Variants in CNTN5 observed in about 807,000 individuals in gnomAD.
CNTN5 encodes the protein contactin 5, also known as contactin-5.
In CNTN5, 77 loss-of-function variants were observed where a neutral mutation model predicts 129.1. That is an observed-to-expected ratio of 0.60 (90% CI 0.50 to 0.72). The LOEUF is 0.72. Among genes scored for constraint, CNTN5 ranks in the 30% least tolerant of loss-of-function variants. The pLI is 0.00. For synonymous variants in CNTN5, 509 were observed against 465.6 expected (o/e 1.09, Z -1.20); for missense variants, 1,478 against 1,328.8 (o/e 1.11, Z -1.75).
At chr11:99,978,543 T>C (rs1938140782) in intron 8 of CNTN5, among the ~76,000 whole-genome samples, 1 of 152,304 alleles carries the variant, frequency 6.6e-6, no homozygotes, top group East Asian at 1.9e-4. Flanking sequence ...TTATCATACC[T>C]TTTTTATGTT....
chr11:99,469,688 T>C (rs1945096524), intron 2 of CNTN5, among the ~76,000 whole-genome samples: 1 of 152,136 alleles, frequency 6.6e-6, no homozygotes, highest in African/African-American at 2.4e-5. Flanking sequence ...TGCTTTTCTT[T>C]GTAGTGCTAG....
intron 1 of CNTN5, among the ~76,000 whole-genome samples, chr11:99,169,760 G>A (rs529022973): frequency 6.6e-6 from 1 of 152,232 alleles, no homozygotes; most frequent in East Asian, 1.9e-4. Context: ...ACTTTAGTCG[G>A]TGAAAAACAT....
chr11:99,351,372 G>A (rs1938287504), intron 2 of CNTN5, among the ~76,000 whole-genome samples: 1 of 152,146 alleles, frequency 6.6e-6, no homozygotes, highest in African/African-American at 2.4e-5. Context: ...AACTTTCCCT[G>A]CCAAGCTTGT....
chr11:99,239,733 A>C (rs1473561688), intron 1 of CNTN5, among the ~76,000 whole-genome samples: 2 of 152,134 alleles, frequency 1.3e-5, no homozygotes, highest in African/African-American at 4.8e-5. Context: ...CAGCAGATCG[A>C]GACCATCCTG....
At chr11:99,782,114 G>A (rs1945332932) in intron 3 of CNTN5, among the ~76,000 whole-genome samples, 2 of 151,234 alleles carry the variant, frequency 1.3e-5, no homozygotes, top group Non-Finnish European at 1.5e-5. Context: ...AAGCTGATAA[G>A]CAACTTCAGC....
chr11:99,717,232 A>G (rs1457555571), intron 3 of CNTN5, among the ~76,000 whole-genome samples: 2 of 152,036 alleles, frequency 1.3e-5, no homozygotes, highest in Non-Finnish European at 2.9e-5. Context: ...TGTTGATTTG[A>G]ACTTTCAAGA....
chr11:99,697,804 T>C (rs1046254672), intron 3 of CNTN5, among the ~76,000 whole-genome samples: 10 of 151,796 alleles, frequency 6.6e-5, no homozygotes, highest in African/African-American at 2.2e-4. Context: ...TAAATTTTTC[T>C]GAAATCTAAA....
At chr11:99,784,953 T>C (rs542463997) in intron 3 of CNTN5, among the ~76,000 whole-genome samples, 1 of 151,816 alleles carries the variant, frequency 6.6e-6, no homozygotes, top group South Asian at 2.1e-4. Flanking sequence ...GTGCCTACCA[T>C]CACACCTGGC....
At chr11:100,024,811 G>T (rs1030175986) in intron 9 of CNTN5, among the ~76,000 whole-genome samples, 3 of 152,176 alleles carry the variant, frequency 2.0e-5, no homozygotes, top group African/African-American at 7.2e-5. Context: ...ATGTTCAAGA[G>T]GTGACTTGGG....
At chr11:99,253,370 C>A (rs1411828231) in intron 1 of CNTN5, among the ~76,000 whole-genome samples, 1 of 152,036 alleles carries the variant, frequency 6.6e-6, no homozygotes, top group African/African-American at 2.4e-5. Flanking sequence ...TCTTTATTAG[C>A]AGCATGGGAA....
chr11:100,162,292 C>G (rs1025947444), intron 13 of CNTN5, among the ~76,000 whole-genome samples: 14 of 151,870 alleles, frequency 9.2e-5, no homozygotes, highest in African/African-American at 3.4e-4. Flanking sequence ...CATGCCCAAT[C>G]AATGATAATG....
At chr11:99,677,537 C>A (rs945681116) in intron 3 of CNTN5, among the ~76,000 whole-genome samples, 1 of 152,164 alleles carries the variant, frequency 6.6e-6, no homozygotes, top group Non-Finnish European at 1.5e-5. Context: ...CAGTCTCATG[C>A]TGATCTAGTT....
intron 3 of CNTN5, among the ~76,000 whole-genome samples, chr11:99,733,321 C>CAAA (rs35576351): frequency 4.2e-5 from 4 of 96,190 alleles, no homozygotes; most frequent in African/African-American, 7.1e-5. Context: ...GATTCTGTCT[C>CAAA]AAAAAAAAAA....
intron 3 of CNTN5, among the ~76,000 whole-genome samples, chr11:99,765,282 CT>C (rs1158591059): frequency 6.6e-6 from 1 of 151,744 alleles, no homozygotes; most frequent in African/African-American, 2.4e-5. Flanking sequence ...CACTATGTTA[CT>C]TACTCTAAAG....
chr11:100,330,060 C>T (rs1951873115), intron 21 of CNTN5, among the ~76,000 whole-genome samples: 1 of 152,050 alleles, frequency 6.6e-6, no homozygotes, highest in Non-Finnish European at 1.5e-5. Context: ...TGAAGGCCAA[C>T]TTAAAGTATT....
chr11:99,065,405 T>A (rs542025561), intron 1 of CNTN5, among the ~76,000 whole-genome samples: 2 of 152,150 alleles, frequency 1.3e-5, no homozygotes, highest in African/African-American at 4.8e-5. Flanking sequence ...CAGAAAGGAA[T>A]GTATAAGCAC....
intron 2 of CNTN5, among the ~76,000 whole-genome samples, chr11:99,359,473 C>T (rs1938945671): frequency 6.6e-6 from 1 of 151,974 alleles, no homozygotes. Flanking sequence ...GAATTCCATC[C>T]TTGGCTCTAC....
chr11:99,745,292 A>G (rs1029446950), intron 3 of CNTN5, among the ~76,000 whole-genome samples: 12 of 152,326 alleles, frequency 7.9e-5, no homozygotes, highest in East Asian at 1.9e-4. Context: ...ACTAAGGTCA[A>G]TGTAAACTGA....
chr11:99,593,942 C>T (rs1950051735), intron 3 of CNTN5, among the ~76,000 whole-genome samples: 2 of 152,190 alleles, frequency 1.3e-5, no homozygotes, highest in African/African-American at 4.8e-5. Context: ...CAGAGGTCAA[C>T]AGCGTGAAGT....
Sources: gnomAD v4.1 joint callset for allele counts (sites outside exome capture counted in the v4.1 genomes callset) on GRCh38, gnomAD v4.1.1 for gene constraint, MANE v1.5 for transcripts, NCBI Gene and HGNC (gene_info 2026-07-23, HGNC 2026-07-21) for gene names.